The following SHISA6 variants were observed in gnomAD, a reference collection of about 807,000 sequenced individuals.
SHISA6 encodes protein shisa-6.
Under a neutral mutation model 47.9 loss-of-function variants are expected in SHISA6, and 22 were observed. The observed-to-expected ratio is 0.46, with a 90% CI of 0.33 to 0.66. The LOEUF is 0.66. SHISA6 is among the 30% of genes least tolerant of loss of function. SHISA6 has a pLI of 0.02. For missense variants in SHISA6, 680 were observed against 764.6 expected (o/e 0.89, Z 1.30); for synonymous variants, 388 against 337.8 (o/e 1.15, Z -1.63).
chr17:11,277,344 C>T (rs1310164415), intron 2 of SHISA6, among the ~76,000 whole-genome samples: 1 of 148,556 alleles, frequency 6.7e-6, no homozygotes, highest in Non-Finnish European at 1.5e-5. Flanking sequence ...TACAGACTTT[C>T]TTCTCCCAGA....
intron 3 of SHISA6, among the ~76,000 whole-genome samples, chr17:11,388,867 C>G (rs976767644): frequency 8.7e-6 from 1 of 114,612 alleles, no homozygotes; most frequent in African/African-American, 3.2e-5. Flanking sequence ...AAAAAAAAAC[C>G]TTTGAGAGTT....
At position 11,558,386 on chromosome 17, in the gene SHISA6, T is replaced by G. The variant is rs1468780644; in HGVS notation, c.*82T>G. 2 of 1,412,806 alleles carry G rather than the reference T, an allele frequency of 1.4e-6. No homozygotes were observed. Among genetic ancestry groups the G allele is most frequent in the African/African-American group, 2.8e-5 (2 of 70,334 alleles). 87.5% of individuals were successfully genotyped at this position (1,412,806 alleles called of 1,614,324 possible). On this transcript the variant is annotated 3_prime_UTR_variant, in exon 6 of 6. Transcript: ENST00000441885. ...GGGCCAGGAGCAGAGCTTCTAGCCT[T>G]GCCACTCTCCCTTCCCTTGTCCCCT...
intron 3 of SHISA6, among the ~76,000 whole-genome samples, chr17:11,386,637 T>G (rs945794464): frequency 1.3e-5 from 2 of 152,256 alleles, no homozygotes; most frequent in African/African-American, 4.8e-5. Context: ...AAAAATTGAT[T>G]ATGCTGGGGG....
chr17:11,244,361 G>T (rs1907493286), intron 1 of SHISA6, among the ~76,000 whole-genome samples: 1 of 152,112 alleles, frequency 6.6e-6, no homozygotes, highest in Non-Finnish European at 1.5e-5. Context: ...AGGGCATGGG[G>T]GATCCATCTA....
intron 3 of SHISA6, among the ~76,000 whole-genome samples, chr17:11,497,906 T>C (rs1398146800): frequency 1.3e-5 from 2 of 152,152 alleles, no homozygotes; most frequent in African/African-American, 4.8e-5. Context: ...ACAGTACAAG[T>C]CATGGCTATA....
intron 3 of SHISA6, among the ~76,000 whole-genome samples, chr17:11,392,072 G>A (rs1348253479): frequency 6.6e-6 from 1 of 152,184 alleles, no homozygotes; most frequent in Admixed American, 6.5e-5. Flanking sequence ...AAAATGTGCA[G>A]TTTGGGTTCA....
At chr17:11,348,273 G>C (rs185388128) in intron 2 of SHISA6, among the ~76,000 whole-genome samples, 40 of 152,268 alleles carry the variant, frequency 2.6e-4, no homozygotes, top group African/African-American at 7.7e-4. Context: ...ATTTGTTTAT[G>C]TAAACAGGGA....
chr17:11,489,868 C>G (rs1916432439), intron 3 of SHISA6, among the ~76,000 whole-genome samples: 1 of 152,174 alleles, frequency 6.6e-6, no homozygotes, highest in Non-Finnish European at 1.5e-5. Context: ...GCAATTCCCC[C>G]CTTCCCCAAC....
chr17:11,515,340 G>GGAAGGAAC (rs2071576670), intron 3 of SHISA6, among the ~76,000 whole-genome samples: 7 of 148,848 alleles, frequency 4.7e-5, no homozygotes, highest in Admixed American at 4.0e-4. Flanking sequence ...AAGGAAGGAA[G>GGAAGGAAC]GAAGGAAGGA....
chr17:11,269,242 A>G (rs1046180117), intron 2 of SHISA6, among the ~76,000 whole-genome samples: 15 of 152,106 alleles, frequency 9.9e-5, no homozygotes, highest in African/African-American at 3.4e-4. Flanking sequence ...AAGTTTCACC[A>G]TGTTGGCCAG....
At chr17:11,479,409 A>G (rs1257699926) in intron 3 of SHISA6, among the ~76,000 whole-genome samples, 1 of 152,138 alleles carries the variant, frequency 6.6e-6, no homozygotes, top group East Asian at 1.9e-4. Flanking sequence ...GAGTTGAACA[A>G]TGAGAACACA....
rs564479335 is a variant in SHISA6, at chr17:11,474,096, TC to T, written c.896-77799del. Among the ~76,000 whole-genome samples, 67 of 152,252 alleles carry T rather than the reference TC, an allele frequency of 4.4e-4. No homozygotes were observed. The South Asian group carries it at 6.4e-3, about 15-fold the overall frequency. ...CTGCAAAGGACATTATCTCATTCTT[TC>T]TTTTTATGGCTGCATAGTATTCCAT... On this transcript the variant is annotated intron_variant, in intron 3 of 5. Transcript: ENST00000441885.
chr17:11,393,899 T>G (rs1335951217), intron 3 of SHISA6, among the ~76,000 whole-genome samples: 1 of 152,228 alleles, frequency 6.6e-6, no homozygotes, highest in African/African-American at 2.4e-5. Flanking sequence ...GCTGTTCTTC[T>G]GTCTGGAATG....
At position 11,461,352 on chromosome 17, in the gene SHISA6, G is replaced by A. The variant is rs180918116; in HGVS notation, c.895+81843G>A. On this transcript the variant is annotated intron_variant, in intron 3 of 5. Transcript: ENST00000441885. ...GCGAAGCTTGCAGTGAGCTGAGATCGTGCCACTGCACTCCAGCCTGGGCAA... is the reference window on the plus strand; with the variant it reads ...GCGAAGCTTGCAGTGAGCTGAGATCATGCCACTGCACTCCAGCCTGGGCAA... 5.5e-4 allele frequency among the ~76,000 whole-genome samples: 81 copies of A among 146,258 alleles called. 1 individual carries two copies. The highest frequency in any genetic ancestry group is 3.7e-3 in the Middle Eastern group (1 of 270).
intron 2 of SHISA6, among the ~76,000 whole-genome samples, chr17:11,316,556 G>C (rs9898617): frequency 6.6e-6 from 1 of 151,244 alleles, no homozygotes; most frequent in East Asian, 2.0e-4. Flanking sequence ...AAGTAATGGG[G>C]ATTACAGGTG....
intron 2 of SHISA6, among the ~76,000 whole-genome samples, chr17:11,317,911 T>C (rs566816572): frequency 2.0e-5 from 3 of 152,142 alleles, no homozygotes; most frequent in Non-Finnish European, 4.4e-5. Flanking sequence ...ATGGGGGTGG[T>C]AAGGTAAACC....
At chr17:11,341,284 T>C (rs1911517967) in intron 2 of SHISA6, among the ~76,000 whole-genome samples, 1 of 149,432 alleles carries the variant, frequency 6.7e-6, no homozygotes, top group Non-Finnish European at 1.5e-5. Context: ...GATTATCCTC[T>C]AAACAACCCT....
intron 3 of SHISA6, among the ~76,000 whole-genome samples, chr17:11,498,725 G>A (rs1360236832): frequency 6.6e-6 from 1 of 152,184 alleles, no homozygotes; most frequent in Non-Finnish European, 1.5e-5. Flanking sequence ...GAGGAGAAGG[G>A]AAGGGCTTGG....
At chr17:11,484,819 T>C (rs1057131048) in intron 3 of SHISA6, among the ~76,000 whole-genome samples, 5 of 152,228 alleles carry the variant, frequency 3.3e-5, no homozygotes, top group African/African-American at 1.2e-4. Flanking sequence ...TGAAAAATCC[T>C]GGAAGAAATT....
Sources: allele counts gnomAD v4.1 joint callset (sites outside exome capture counted in the v4.1 genomes callset), GRCh38; gene constraint gnomAD v4.1.1; transcripts MANE v1.5; gene names NCBI Gene and HGNC (gene_info 2026-07-23, HGNC 2026-07-21).